The following IGF1 variants were observed in gnomAD, a reference collection of about 807,000 sequenced individuals.
IGF1 encodes the protein insulin-like growth factor 1.
Under a neutral mutation model 13.8 loss-of-function variants are expected in IGF1, and 4 were observed. That is an observed-to-expected ratio of 0.29 (90% CI 0.14 to 0.66). IGF1 has a LOEUF of 0.66. IGF1 is among the 30% of genes least tolerant of loss of function. The pLI, the probability that IGF1 is intolerant of heterozygous loss-of-function variation, is 0.78. For synonymous variants in IGF1, 76 were observed against 72.6 expected (o/e 1.05, Z -0.23); for missense variants, 124 against 188.5 (o/e 0.66, Z 2.00).
intron 2 of IGF1, among the ~76,000 whole-genome samples, chr12:102,456,094 T>C (rs1335287402): frequency 1.3e-5 from 2 of 152,188 alleles, no homozygotes; most frequent in African/African-American, 4.8e-5. Flanking sequence ...AACATCTCCC[T>C]CACAGAAAGC....
intron 2 of IGF1, among the ~76,000 whole-genome samples, chr12:102,441,427 TG>T (rs1228307508): frequency 1.3e-5 from 2 of 152,340 alleles, no homozygotes; most frequent in African/African-American, 4.8e-5. Flanking sequence ...CAGGCACTCA[TG>T]ACTCTCCTGC....
intron 2 of IGF1, among the ~76,000 whole-genome samples, chr12:102,457,992 A>G (rs1879555820): frequency 6.6e-6 from 1 of 152,164 alleles, no homozygotes; most frequent in Non-Finnish European, 1.5e-5. Context: ...ATTTAATGAC[A>G]TTGAAAAATA....
At chr12:102,453,403 C>T (rs143569897) in intron 2 of IGF1, among the ~76,000 whole-genome samples, 2 of 152,260 alleles carry the variant, frequency 1.3e-5, no homozygotes, top group Non-Finnish European at 2.9e-5. Flanking sequence ...CAGTTAGTGG[C>T]CTCCGGTATT....
At chr12:102,424,804 C>A (rs1432214245) in intron 2 of IGF1, among the ~76,000 whole-genome samples, 2 of 152,034 alleles carry the variant, frequency 1.3e-5, no homozygotes, top group East Asian at 3.8e-4. Context: ...ACCAAGACCC[C>A]AATGTAATAC....
upstream of IGF1, chr12:102,480,688 T>C (rs1881346283): frequency 9.8e-7 from 1 of 1,023,848 alleles, no homozygotes; most frequent in Non-Finnish European, 1.3e-6. Context: ...GTAAGGACTT[T>C]TTTGGGCATG....
Position 102,459,283 on chromosome 12 carries a change from T to C in IGF1, c.220+16360A>G, listed in dbSNP as rs368087014. 7.2e-5 allele frequency among the ~76,000 whole-genome samples: 11 copies of C among 152,242 alleles called. No individual in the cohort carries two copies. In the East Asian group the frequency reaches 1.2e-3, roughly 16 times the overall value. ...GGAGTTTGGACTCACTCAATTTACA[T>C]AGCCATGAATGGTCCCTGGATGTTG... On this transcript the variant is annotated intron_variant, in intron 2 of 3. Coordinates refer to ENST00000337514, the MANE Select transcript of IGF1 (RefSeq NM_000618.5).
chr12:102,463,351 A>G (rs1344292260), intron 2 of IGF1: 1 of 152,260 alleles, frequency 6.6e-6, no homozygotes, highest in Non-Finnish European at 1.5e-5. Context: ...TCTTCATGGA[A>G]GATCTTCGTG....
chr12:102,438,133 T>G (rs1877400805), intron 2 of IGF1, among the ~76,000 whole-genome samples: 1 of 152,176 alleles, frequency 6.6e-6, no homozygotes, highest in African/African-American at 2.4e-5. Context: ...CTCAGAAGAT[T>G]CCATGATCTG....
intron 2 of IGF1, among the ~76,000 whole-genome samples, chr12:102,451,905 C>T (rs552862838): frequency 2.6e-5 from 4 of 152,114 alleles, no homozygotes; most frequent in South Asian, 4.2e-4. Flanking sequence ...AGTTCTCATG[C>T]GATCTAATGG....
rs930861486 is a variant in IGF1 at position 102,402,379 on chromosome 12, G to A, written c.*128C>T. ...TGTTTACTTGTGTATTTCATTGGGGGAAACGCCCATCTTTTAAATGTTATC... is the reference window on the plus strand; with the variant it reads ...TGTTTACTTGTGTATTTCATTGGGGAAAACGCCCATCTTTTAAATGTTATC... On this transcript the variant is annotated 3_prime_UTR_variant, in exon 4 of 4. Transcript: ENST00000337514. The A allele has an allele frequency of 2.6e-6, 2 of 770,578 alleles. No individual in the cohort carries two copies. The highest frequency in any genetic ancestry group is 1.7e-5 in the Admixed American group (1 of 58,332). The allele number at this position is 770,578 out of a possible 1,614,324, so 47.7% of individuals were successfully genotyped here. A position where few individuals can be genotyped will look rare whatever the true frequency, so the allele number is the denominator to read the frequency against.
intron 2 of IGF1, among the ~76,000 whole-genome samples, chr12:102,434,724 T>C (rs1373259361): frequency 6.6e-6 from 1 of 152,006 alleles, no homozygotes; most frequent in Non-Finnish European, 1.5e-5. Flanking sequence ...ATCGCCACAC[T>C]GACTTCCACA....
intron 3 of IGF1, among the ~76,000 whole-genome samples, chr12:102,410,831 T>C (rs1019334757): frequency 5.3e-5 from 8 of 152,196 alleles, no homozygotes; most frequent in Non-Finnish European, 1.0e-4. Context: ...TTTTGGAAGT[T>C]TGGAAGGCTC....
upstream of IGF1, chr12:102,480,629 G>A: frequency 7.4e-7 from 1 of 1,349,378 alleles, no homozygotes; most frequent in Admixed American, 3.1e-5. Flanking sequence ...GAAACAGCTG[G>A]GGGAACATTT....
chr12:102,451,524 C>G (rs1878930337), intron 2 of IGF1, among the ~76,000 whole-genome samples: 1 of 152,006 alleles, frequency 6.6e-6, no homozygotes. Flanking sequence ...ACAATGCATG[C>G]TGTAGATGAT....
intron 2 of IGF1, among the ~76,000 whole-genome samples, chr12:102,467,201 T>C (rs1328708918): frequency 1.3e-5 from 2 of 152,140 alleles, no homozygotes; most frequent in African/African-American, 4.8e-5. Context: ...CCGGATTGCT[T>C]CTATGTCTGA....
rs551206012 is a variant in IGF1 at position 102,456,183 on chromosome 12, C to T, written c.220+19460G>A. ...TTTGCCCCCTTTTAAATTCCTAACA[C>T]GGACATTCAACTTATTCAATTTTTT... On this transcript the variant is annotated intron_variant, in intron 2 of 3. Coordinates refer to ENST00000337514, the MANE Select transcript of IGF1 (RefSeq NM_000618.5). Among the ~76,000 whole-genome samples the T allele has an allele frequency of 3.3e-5, 5 of 151,460 alleles. No homozygotes were observed. The South Asian group carries it at 8.3e-4, about 25-fold the overall frequency.
At chr12:102,441,906 G>GCTGCTGCTGCTTCTT in intron 2 of IGF1, among the ~76,000 whole-genome samples, 1,380 of 100,252 alleles carry the variant, frequency 0.014, 134 homozygotes, top group African/African-American at 0.022. Context: ...CTATTACACT[G>GCTGCTGCTGCTTCTT]CTTCTTCTCC....
chr12:102,419,243 C>T (rs145268104), intron 3 of IGF1, among the ~76,000 whole-genome samples: 20 of 152,328 alleles, frequency 1.3e-4, no homozygotes, highest in African/African-American at 4.8e-4. Context: ...GCCAGGACTT[C>T]ACTTTTGTCT....
At chr12:102,459,061 C>T (rs1389624977) in intron 2 of IGF1, among the ~76,000 whole-genome samples, 2 of 151,970 alleles carry the variant, frequency 1.3e-5, no homozygotes, top group Non-Finnish European at 2.9e-5. Context: ...AAAGCATGTG[C>T]CAATATGAAG....
Sources: gnomAD v4.1 joint callset for allele counts (sites outside exome capture counted in the v4.1 genomes callset) on GRCh38, gnomAD v4.1.1 for gene constraint, MANE v1.5 for transcripts, NCBI Gene and HGNC (gene_info 2026-07-23, HGNC 2026-07-21) for gene names.